The following MYRIP variants were observed in gnomAD, a reference collection of about 807,000 sequenced individuals.
MYRIP encodes myosin VIIA and Rab interacting protein.
Under a neutral mutation model 98.0 loss-of-function variants are expected in MYRIP, and 49 were observed. That is an observed-to-expected ratio of 0.50 (90% CI 0.40 to 0.63). The LOEUF is 0.63. Ranked by LOEUF, MYRIP falls within the 30% of genes least tolerant of loss-of-function variation. The pLI, the probability that MYRIP is intolerant of heterozygous loss-of-function variation, is 0.00. For missense variants in MYRIP, 1,004 were observed against 1,058.2 expected (o/e 0.95, Z 0.71); for synonymous variants, 404 against 409.5 (o/e 0.99, Z 0.16).
intron 1 of MYRIP, among the ~76,000 whole-genome samples, chr3:39,891,832 T>G (rs955366336): frequency 2.0e-5 from 3 of 152,052 alleles, no homozygotes; most frequent in African/African-American, 7.2e-5. Context: ...AATTGCCATT[T>G]TTTGTTATTT....
rs35819968 is a variant in MYRIP at position 39,823,018 on chromosome 3, C to CTT, written c.-31+13120_-31+13121dup. Among the ~76,000 whole-genome samples the CTT allele has an allele frequency of 3.2e-3, 390 of 123,276 alleles. 4 individuals carry two copies. Among genetic ancestry groups the CTT allele is most frequent in the South Asian group, 0.01 (38 of 3,698 alleles). The allele number at this position is 123,276 out of a possible 152,430, so 80.9% of individuals were successfully genotyped here. A position where few individuals can be genotyped will look rare whatever the true frequency, so the allele number is the denominator to read the frequency against. ...AGATGGCTTTGCTTTTCTTTTCTTCCTTTTTTTTTTTTTTTTTTTGAGATA... is the reference window on the plus strand; with the variant it reads ...AGATGGCTTTGCTTTTCTTTTCTTCCTTTTTTTTTTTTTTTTTTTTTGAGATA... On this transcript the variant is annotated intron_variant, in intron 1 of 16. Coordinates refer to ENST00000302541, the MANE Select transcript of MYRIP (RefSeq NM_015460.4).
intron 3 of MYRIP, among the ~76,000 whole-genome samples, chr3:40,051,450 G>T (rs1947792382): frequency 6.6e-6 from 1 of 152,114 alleles, no homozygotes; most frequent in African/African-American, 2.4e-5. Context: ...ACTACAGAAT[G>T]TTGTAAACAT....
intron 1 of MYRIP, among the ~76,000 whole-genome samples, chr3:39,863,979 G>A (rs981267811): frequency 1.3e-5 from 2 of 152,124 alleles, no homozygotes; most frequent in Admixed American, 6.5e-5. Context: ...TCTCTGGGAC[G>A]CAAGGTTGTC....
At chr3:39,989,027 C>G (rs1946105970) in intron 2 of MYRIP, among the ~76,000 whole-genome samples, 1 of 152,026 alleles carries the variant, frequency 6.6e-6, no homozygotes, top group African/African-American at 2.4e-5. Flanking sequence ...ATTTGTCCAT[C>G]TCATCTTCCA....
chr3:39,860,111 C>T (rs1373884845), intron 1 of MYRIP, among the ~76,000 whole-genome samples: 2 of 152,214 alleles, frequency 1.3e-5, no homozygotes, highest in African/African-American at 2.4e-5. Context: ...ACTCTAAAGA[C>T]TCCACACACA....
At chr3:40,060,491 AG>A (rs1476562779) in intron 3 of MYRIP, among the ~76,000 whole-genome samples, 1 of 152,014 alleles carries the variant, frequency 6.6e-6, no homozygotes, top group Non-Finnish European at 1.5e-5. Flanking sequence ...TTTGCGAATA[AG>A]GCTGACATGT....
At chr3:40,085,332 G>T (rs188680180) in intron 3 of MYRIP, among the ~76,000 whole-genome samples, 1 of 152,194 alleles carries the variant, frequency 6.6e-6, no homozygotes, top group African/African-American at 2.4e-5. Flanking sequence ...TGTCACCCAG[G>T]CTGGAGTGCA....
chr3:39,990,485 A>G (rs1040985437), intron 2 of MYRIP, among the ~76,000 whole-genome samples: 4 of 152,222 alleles, frequency 2.6e-5, no homozygotes, highest in Non-Finnish European at 4.4e-5. Context: ...CAATAAAGAT[A>G]GCTCACTGCT....
intron 2 of MYRIP, among the ~76,000 whole-genome samples, chr3:39,977,871 G>A (rs1422813506): frequency 6.6e-6 from 1 of 152,064 alleles, no homozygotes; most frequent in Non-Finnish European, 1.5e-5. Flanking sequence ...TGCAATATAA[G>A]GGTCAGCTTT....
chr3:39,986,226 G>A (rs919059008), intron 2 of MYRIP, among the ~76,000 whole-genome samples: 6 of 152,128 alleles, frequency 3.9e-5, no homozygotes, highest in South Asian at 2.1e-4. Context: ...CCTGAAACTC[G>A]TCATTAGAGT....
At chr3:40,080,660 A>G (rs1236702669) in intron 3 of MYRIP, among the ~76,000 whole-genome samples, 1 of 151,886 alleles carries the variant, frequency 6.6e-6, no homozygotes, top group Non-Finnish European at 1.5e-5. Context: ...CATCTCTAGT[A>G]TCATACCTGT....
intron 1 of MYRIP, among the ~76,000 whole-genome samples, chr3:39,871,952 A>G (rs1005731183): frequency 6.6e-6 from 1 of 152,068 alleles, no homozygotes; most frequent in Admixed American, 6.5e-5. Flanking sequence ...ACAGTTGTAT[A>G]TCTTGAAAAG....
intron 11 of MYRIP, among the ~76,000 whole-genome samples, chr3:40,218,655 T>TAC (rs1195870231): frequency 6.9e-5 from 9 of 131,374 alleles, no homozygotes; most frequent in Non-Finnish European, 7.9e-5. Context: ...TATATATATA[T>TAC]ACATACACAC....
chr3:39,825,178 C>G (rs1439542927), intron 1 of MYRIP, among the ~76,000 whole-genome samples: 4 of 152,000 alleles, frequency 2.6e-5, no homozygotes, highest in African/African-American at 9.7e-5. Flanking sequence ...TTTGGATGCC[C>G]TTTCTTTCTT....
intron 16 of MYRIP, among the ~76,000 whole-genome samples, chr3:40,257,524 C>T (rs933093517): frequency 2.0e-5 from 3 of 152,106 alleles, no homozygotes; most frequent in Non-Finnish European, 4.4e-5. Flanking sequence ...GAACACTAGG[C>T]ATAAGTGGAT....
chr3:40,011,702 C>T (rs1946764280), intron 2 of MYRIP, among the ~76,000 whole-genome samples: 1 of 152,190 alleles, frequency 6.6e-6, no homozygotes, highest in East Asian at 1.9e-4. Context: ...ACCAATTTGA[C>T]AGATAGATTT....
intron 3 of MYRIP, among the ~76,000 whole-genome samples, chr3:40,059,549 T>A (rs573836614): frequency 6.6e-6 from 1 of 152,312 alleles, no homozygotes; most frequent in East Asian, 1.9e-4. Context: ...ATGAGCTTTT[T>A]TTCATATGTT....
chr3:40,179,197 G>T (rs1950832931), intron 8 of MYRIP, among the ~76,000 whole-genome samples: 3 of 152,186 alleles, frequency 2.0e-5, no homozygotes, highest in Non-Finnish European at 4.4e-5. Context: ...AACCACACCT[G>T]GGTCTCAGAA....
intron 3 of MYRIP, among the ~76,000 whole-genome samples, chr3:40,086,781 C>A (rs982765167): frequency 2.0e-5 from 3 of 152,076 alleles, no homozygotes; most frequent in Admixed American, 6.6e-5. Context: ...CTTCAGGGGA[C>A]CTCTAATGAA....
Sources: gnomAD v4.1 joint callset for allele counts (sites outside exome capture counted in the v4.1 genomes callset) on GRCh38, gnomAD v4.1.1 for gene constraint, MANE v1.5 for transcripts, NCBI Gene and HGNC (gene_info 2026-07-23, HGNC 2026-07-21) for gene names.